SCN11A: variants seen among roughly 807,000 people sequenced by gnomAD.
SCN11A encodes the protein sodium voltage-gated channel alpha subunit 11, also known as sodium channel protein type 11 subunit alpha.
Under a neutral mutation model 162.2 loss-of-function variants are expected in SCN11A, and 122 were observed. That is an observed-to-expected ratio of 0.75 (90% CI 0.65 to 0.87). The LOEUF is 0.87. Among genes scored for constraint, SCN11A ranks in the 40% least tolerant of loss-of-function variants. The pLI, the probability that SCN11A is intolerant of heterozygous loss-of-function variation, is 0.00. For missense variants in SCN11A, 2,015 were observed against 2,181.6 expected (o/e 0.92, Z 1.52); for synonymous variants, 758 against 751.5 (o/e 1.01, Z -0.14).
intron 17 of SCN11A, among the ~76,000 whole-genome samples, chr3:38,899,250 C>T (rs4676588): frequency 0.64 from 96,744 of 151,992 alleles, 31,769 homozygotes; most frequent in South Asian, 0.72. Context: ...GCATGTAGCC[C>T]AGTCTTGTAT....
intron 2 of SCN11A, among the ~76,000 whole-genome samples, chr3:38,995,811 A>G (rs577043284): frequency 2.8e-5 from 4 of 142,858 alleles, no homozygotes; most frequent in African/African-American, 1.2e-4. Flanking sequence ...CTATCTATCT[A>G]TCTATCTGTC....
intron 3 of SCN11A, among the ~76,000 whole-genome samples, chr3:38,954,480 C>G (rs1406627324): frequency 6.6e-6 from 1 of 152,112 alleles, no homozygotes; most frequent in East Asian, 1.9e-4. Flanking sequence ...ATTAAAGAAG[C>G]AACTGGACAC....
At chr3:39,020,405 C>T (rs1453811879) in intron 2 of SCN11A, among the ~76,000 whole-genome samples, 1 of 152,158 alleles carries the variant, frequency 6.6e-6, no homozygotes, top group African/African-American at 2.4e-5. Flanking sequence ...GGCAATGTGC[C>T]GACAGGACAG....
chr3:38,870,872 AG>A (rs1216136112), intron 25 of SCN11A, 128 bp from the exon 26 acceptor site: 1 of 683,904 alleles, frequency 1.5e-6, no homozygotes, highest in Non-Finnish European at 2.5e-6. Context: ...CTTCTAGGAC[AG>A]GATGCTCAAA....
intron 29 of SCN11A, among the ~76,000 whole-genome samples, chr3:38,849,124 C>T (rs1366437867): frequency 2.6e-5 from 4 of 152,116 alleles, no homozygotes; most frequent in Admixed American, 6.6e-5. Flanking sequence ...GAAACATTTC[C>T]GCAAAGTGCA....
intron 27 of SCN11A, 35 bp from the exon 28 acceptor site, chr3:38,863,334 C>A: frequency 1.8e-6 from 2 of 1,100,794 alleles, no homozygotes; most frequent in Non-Finnish European, 2.7e-6. Context: ...TTACCTTTAA[C>A]AGTTTTTTTT....
intron 7 of SCN11A, among the ~76,000 whole-genome samples, chr3:38,929,507 T>G (rs1164288988): frequency 6.6e-6 from 1 of 152,242 alleles, no homozygotes. Flanking sequence ...TGAATGCACT[T>G]AATTCCAATA....
intron 28 of SCN11A, among the ~76,000 whole-genome samples, chr3:38,861,560 A>G (rs1425220393): frequency 6.6e-6 from 1 of 152,164 alleles, no homozygotes; most frequent in Non-Finnish European, 1.5e-5. Context: ...GACCAATGGA[A>G]CAGAATAGAG....
chr3:38,927,014 A>AT (rs1163520990), intron 7 of SCN11A, 83 bp from the exon 8 acceptor site: 937 of 1,306,658 alleles, frequency 7.2e-4, no homozygotes, highest in East Asian at 9.0e-4. Context: ...ACTGGCCTTG[A>AT]TTTTTTTTTC....
intron 1 of SCN11A, among the ~76,000 whole-genome samples, chr3:39,033,462 G>C (rs533202424): frequency 9.4e-4 from 143 of 152,316 alleles, no homozygotes; most frequent in African/African-American, 3.3e-3. Context: ...ATATACCTCA[G>C]AAGTACCTTG....
chr3:38,872,208 C>G lies in SCN11A; in HGVS notation c.3480G>C (p.Gln1160His). ...RALRPLRALS[Q>H]FEGMKVVVNA... ...CAGAATGTACCTTCATTCCTTCAAA[C>G]TGGGACAGCGCACGAAGAGGCCTCA... The change falls in exon 24 of 30, where the codon CAG becomes CAC. Residue 1160 changes from glutamine to histidine, a missense_variant. Physicochemically the swap from Gln to His is conservative, Grantham distance 24. Transcript: ENST00000302328. 1 of 1,596,676 alleles carries G rather than the reference C, an allele frequency of 6.3e-7. No homozygotes were observed. Among genetic ancestry groups the G allele is most frequent in the Non-Finnish European group, 8.6e-7 (1 of 1,164,332 alleles).
chr3:38,999,022 C>T (rs937231948), intron 2 of SCN11A, among the ~76,000 whole-genome samples: 1 of 151,856 alleles, frequency 6.6e-6, no homozygotes, highest in Non-Finnish European at 1.5e-5. Flanking sequence ...CTAACCTGCA[C>T]GTTGTGCACA....
At chr3:39,028,060 C>T (rs1427562413) in intron 2 of SCN11A, among the ~76,000 whole-genome samples, 1 of 152,212 alleles carries the variant, frequency 6.6e-6, no homozygotes, top group Non-Finnish European at 1.5e-5. Context: ...AGAAAACCCT[C>T]ATCAAACCCC....
chr3:38,963,409 T>G (rs2066758526), intron 2 of SCN11A, among the ~76,000 whole-genome samples: 2 of 64,348 alleles, frequency 3.1e-5, no homozygotes, highest in Non-Finnish European at 5.3e-5. Context: ...TATATATATA[T>G]ATATATATGA....
At chr3:39,046,729 T>C (rs1030766180) in intron 1 of SCN11A, among the ~76,000 whole-genome samples, 2 of 152,134 alleles carry the variant, frequency 1.3e-5, no homozygotes, top group Non-Finnish European at 2.9e-5. Flanking sequence ...AGCCAACTAA[T>C]GGTTTTTTTG....
chr3:38,865,312 A>G (rs2065024210), intron 27 of SCN11A, among the ~76,000 whole-genome samples: 2 of 152,216 alleles, frequency 1.3e-5, no homozygotes, highest in Non-Finnish European at 2.9e-5. Flanking sequence ...TTAAATCTAA[A>G]ATCACAAAGA....
chr3:38,944,668 T>C (rs2066489456), intron 7 of SCN11A, among the ~76,000 whole-genome samples: 1 of 151,210 alleles, frequency 6.6e-6, no homozygotes, highest in South Asian at 2.1e-4. Flanking sequence ...AAAATAATAA[T>C]TTAAGAATAG....
At position 38,847,521 on chromosome 3, in the gene SCN11A, T is replaced by A. The variant is rs758502609; in HGVS notation, c.4549A>T (p.Asn1517Tyr). Reference protein sequence around the residue: ...IMFIYAILGMNWFSKVNPESG... With the variant: ...IMFIYAILGMYWFSKVNPESG... Reference sequence around the variant, plus strand: ...TCTGGATTCACTTTGGAAAACCAGTTCATACCCAGAATGGCATAGATAAAC... The same window carrying A: ...TCTGGATTCACTTTGGAAAACCAGTACATACCCAGAATGGCATAGATAAAC... Residue 1517 changes from asparagine (N) to tyrosine (Y), a missense_variant, in exon 30 of 30, where the codon AAC becomes TAC. Coordinates refer to ENST00000302328, the MANE Select transcript of SCN11A (RefSeq NM_001349253.2). 1.2e-6 allele frequency: 2 copies of A among 1,614,094 alleles called. No homozygotes were observed. Among genetic ancestry groups the A allele is most frequent in the South Asian group, 1.1e-5 (1 of 91,070 alleles).
intron 16 of SCN11A, among the ~76,000 whole-genome samples, chr3:38,900,397 G>A (rs1472098634): frequency 1.3e-5 from 2 of 152,042 alleles, no homozygotes; most frequent in African/African-American, 2.4e-5. Context: ...GTGACAGAGT[G>A]TCAGGCAATT....
Sources: gnomAD v4.1 joint callset for allele counts (sites outside exome capture counted in the v4.1 genomes callset) on GRCh38, gnomAD v4.1.1 for gene constraint, MANE v1.5 for transcripts, NCBI Gene and HGNC (gene_info 2026-07-23, HGNC 2026-07-21) for gene names.